The following SPATA13 variants were observed in gnomAD, a reference collection of about 807,000 sequenced individuals.
SPATA13 encodes the protein spermatogenesis associated 13.
In SPATA13, 50 loss-of-function variants were observed where a neutral mutation model predicts 104.0. The observed-to-expected ratio is 0.48, with a 90% CI of 0.38 to 0.61. SPATA13 has a LOEUF of 0.61. Ranked by LOEUF, SPATA13 falls within the 20% of genes least tolerant of loss-of-function variation. The pLI is 0.00. For missense variants in SPATA13, 1,524 were observed against 1,690.6 expected, an observed-to-expected ratio of 0.90 and a Z score of 1.73; for synonymous variants, 606 against 667.5, an observed-to-expected ratio of 0.91 and a Z score of 1.42.
intron 4 of SPATA13, chr13:24,270,555 C>A: frequency 2.1e-6 from 1 of 466,782 alleles, no homozygotes; most frequent in Non-Finnish European, 3.8e-6. Flanking sequence ...TCGGCAGCAC[C>A]TGATGGCTTG....
At chr13:24,224,790 A>C in intron 2 of SPATA13, 1 of 648,386 alleles carries the variant, frequency 1.5e-6, no homozygotes, top group Non-Finnish European at 2.9e-6. Flanking sequence ...TAAATTGACA[A>C]TGTACGAGAT....
chr13:24,189,996 A>T (rs1358615494), intron 1 of SPATA13, among the ~76,000 whole-genome samples: 3 of 9,868 alleles, frequency 3.0e-4, no homozygotes, highest in African/African-American at 3.7e-4. Flanking sequence ...ATTATATAAC[A>T]TATAATAATA....
At chr13:24,096,327 G>A (rs1880083181) in intron 3 of SPATA13, among the ~76,000 whole-genome samples, 1 of 152,208 alleles carries the variant, frequency 6.6e-6, no homozygotes. Context: ...TGGGTGCCGT[G>A]GCTCACGCCT....
intron 1 of SPATA13, among the ~76,000 whole-genome samples, chr13:24,188,781 G>C (rs185575550): frequency 0.059 from 8,080 of 137,932 alleles, 287 homozygotes; most frequent in Middle Eastern, 0.098. Flanking sequence ...TAGCTAGAGA[G>C]GAGAAGTCAG....
intron 3 of SPATA13, among the ~76,000 whole-genome samples, chr13:24,109,128 G>T (rs924958980): frequency 1.3e-5 from 2 of 152,002 alleles, no homozygotes; most frequent in Non-Finnish European, 2.9e-5. Context: ...CCCCACAACA[G>T]GCCCTGATGT....
At chr13:24,168,571 C>CAAGCAGCCCAGTATGA (rs527851558) in intron 1 of SPATA13, among the ~76,000 whole-genome samples, 3,053 of 152,202 alleles carry the variant, frequency 0.02, 102 homozygotes, top group African/African-American at 0.069. Context: ...TCGCAGCACA[C>CAAGCAGCCCAGTATGA]AAGCAGCCCA....
upstream of SPATA13, among the ~76,000 whole-genome samples, chr13:24,157,389 C>T (rs1263942097): frequency 6.6e-6 from 1 of 152,180 alleles, no homozygotes; most frequent in Admixed American, 6.5e-5. Context: ...AGCTCCGCCT[C>T]CCGGGTTCAC....
intron 2 of SPATA13, among the ~76,000 whole-genome samples, chr13:24,229,981 A>C (rs1380889456): frequency 6.6e-6 from 1 of 152,186 alleles, no homozygotes; most frequent in Admixed American, 6.5e-5. Flanking sequence ...CAAATCAAGG[A>C]AGGCTTCATA....
intron 3 of SPATA13, among the ~76,000 whole-genome samples, chr13:24,080,141 A>G (rs747510563): frequency 1.3e-5 from 2 of 152,252 alleles, no homozygotes; most frequent in Non-Finnish European, 2.9e-5. Flanking sequence ...TAAAACAGGC[A>G]AATCTAAATC....
At chr13:24,053,900 C>T (rs1216246555) in intron 3 of SPATA13, among the ~76,000 whole-genome samples, 2 of 152,188 alleles carry the variant, frequency 1.3e-5, no homozygotes, top group African/African-American at 4.8e-5. Flanking sequence ...ATTTTCCAAA[C>T]ATTAGTGAAC....
At chr13:24,287,764 A>G (rs1357461773) in intron 7 of SPATA13, among the ~76,000 whole-genome samples, 2 of 152,192 alleles carry the variant, frequency 1.3e-5, no homozygotes, top group Admixed American at 6.5e-5. Context: ...ATTTCAGAGA[A>G]CTTGTCATTA....
rs148695461 is a variant in SPATA13, at chr13:24,254,688, C to T, written c.2164+2826C>T. The stretch of plus-strand genomic sequence containing the variant: ...AAAGGCCCCACTGCAATCAGCTTTC[C>T]GCAAGGGGCTGTCTGGTTCCTGCGG... On this transcript the variant is annotated intron_variant, in intron 4 of 12. Coordinates refer to ENST00000382108, the MANE Select transcript of SPATA13 (RefSeq NM_001166271.3). Among the ~76,000 whole-genome samples the T allele has an allele frequency of 3.4e-3, 520 of 152,296 alleles. 7 individuals carry two copies. The highest frequency in any genetic ancestry group is 0.012 in the African/African-American group (497 of 41,562).
chr13:24,001,205 G>A (rs1208877489), intron 2 of SPATA13, among the ~76,000 whole-genome samples: 1 of 152,206 alleles, frequency 6.6e-6, no homozygotes, highest in African/African-American at 2.4e-5. Context: ...TAGAGCAGAA[G>A]TAGTCACATA....
chr13:24,164,946 C>T (rs559739018), intron 1 of SPATA13, among the ~76,000 whole-genome samples: 4 of 152,292 alleles, frequency 2.6e-5, no homozygotes, highest in Admixed American at 1.3e-4. Flanking sequence ...GCCCTCTGTG[C>T]CTGCAAGAAC....
At chr13:24,053,428 C>T (rs1878432577) in intron 3 of SPATA13, among the ~76,000 whole-genome samples, 1 of 152,100 alleles carries the variant, frequency 6.6e-6, no homozygotes, top group Non-Finnish European at 1.5e-5. Context: ...AAATGATCTA[C>T]GAGAAGTAAG....
chr13:24,054,604 C>CT (rs377241047), intron 3 of SPATA13, among the ~76,000 whole-genome samples: 87 of 152,236 alleles, frequency 5.7e-4, no homozygotes, highest in African/African-American at 2.1e-3. Flanking sequence ...AACACAAACT[C>CT]TAAGAACTTT....
intron 3 of SPATA13, among the ~76,000 whole-genome samples, chr13:24,126,730 A>AT (rs568886227): frequency 9.9e-5 from 15 of 151,908 alleles, no homozygotes; most frequent in African/African-American, 2.9e-4. Flanking sequence ...CTAATTTTAT[A>AT]TTTTTTTGTA....
intron 3 of SPATA13, among the ~76,000 whole-genome samples, chr13:24,018,868 C>T (rs1219766460): frequency 4.6e-5 from 7 of 152,092 alleles, no homozygotes; most frequent in Non-Finnish European, 7.4e-5. Flanking sequence ...TGTGTTACTT[C>T]AAAAGCATTT....
chr13:23,980,368 C>T (rs920364819), intron 1 of SPATA13, among the ~76,000 whole-genome samples: 6 of 152,164 alleles, frequency 3.9e-5, no homozygotes, highest in African/African-American at 1.4e-4. Context: ...CGGGGGAGGC[C>T]GAAATCTCCC....
Sources: allele counts gnomAD v4.1 joint callset (sites outside exome capture counted in the v4.1 genomes callset), GRCh38; gene constraint gnomAD v4.1.1; transcripts MANE v1.5; gene names NCBI Gene and HGNC (gene_info 2026-07-23, HGNC 2026-07-21).